Variants in DSCAM observed in about 807,000 individuals in gnomAD.
DSCAM encodes the protein cell adhesion molecule DSCAM.
DSCAM carries 47 observed loss-of-function variants against 217.7 expected under a neutral mutation model. That is an observed-to-expected ratio of 0.22 (90% confidence interval 0.17 to 0.28). The LOEUF is 0.28. Among genes scored for constraint, DSCAM ranks in the 10% least tolerant of loss-of-function variants. The probability of loss-of-function intolerance (pLI) is 1.00; values close to 1 mark genes in which losing one functional copy is unlikely to be tolerated. For missense variants in DSCAM, 2,080 were observed against 2,618.3 expected, an observed-to-expected ratio of 0.79 and a Z score of 4.49; for synonymous variants, 1,056 against 1,015.3, an observed-to-expected ratio of 1.04 and a Z score of -0.76.
intron 1 of DSCAM, among the ~76,000 whole-genome samples, chr21:40,815,513 T>C (rs996561610): frequency 6.6e-6 from 1 of 152,170 alleles, no homozygotes; most frequent in African/African-American, 2.4e-5. Context: ...TAATCAAATC[T>C]CTTCCATGTA....
intron 11 of DSCAM, among the ~76,000 whole-genome samples, chr21:40,214,428 T>C (rs1024507156): frequency 2.0e-5 from 3 of 152,214 alleles, no homozygotes; most frequent in Non-Finnish European, 4.4e-5. Context: ...TTCTTGTTGT[T>C]TTGTTTTTCC....
Position 40,246,544 on chromosome 21 carries a change from G to GA in DSCAM, c.2356+29552dup, listed in dbSNP as rs549164063. On this transcript the variant is annotated intron_variant, in intron 11 of 32. Transcript: ENST00000400454. ...CAACAGAGAGAGACTCTATATCAAA[G>GA]AAAAAAAAAAAGAGGCCCCAGGAGA... Among the ~76,000 whole-genome samples, 755 of 139,432 alleles carry GA rather than the reference G, an allele frequency of 5.4e-3. 7 individuals carry two copies. The highest frequency in any genetic ancestry group is 0.017 in the African/African-American group (643 of 38,284). 91.5% of individuals were successfully genotyped at this position (139,432 alleles called of 152,430 possible).
At chr21:40,314,019 T>C (rs976029468) in intron 8 of DSCAM, among the ~76,000 whole-genome samples, 1 of 152,266 alleles carries the variant, frequency 6.6e-6, no homozygotes, top group Non-Finnish European at 1.5e-5. Context: ...TTCATTCATT[T>C]ATTTGTTCAT....
rs143100887 is a variant in DSCAM, at chr21:40,164,932, C to G, written c.3018+2286G>C. 5.9e-5 allele frequency among the ~76,000 whole-genome samples: 9 copies of G among 152,330 alleles called. No homozygotes were observed. The East Asian group carries it at 1.2e-3, about 20-fold the overall frequency. ...AATGTAATATCTATCTCCAGTGTTA[C>G]AGAAAGGCCACCAAAGTGCCCCTTA... On this transcript the variant is annotated intron_variant, in intron 16 of 32. Coordinates refer to ENST00000400454, the MANE Select transcript of DSCAM (RefSeq NM_001389.5).
chr21:40,085,995 G>C (rs566539053), intron 22 of DSCAM, among the ~76,000 whole-genome samples: 4 of 152,062 alleles, frequency 2.6e-5, no homozygotes, highest in Non-Finnish European at 5.9e-5. Context: ...CTGTGTCAAG[G>C]GCCCAGATTC....
chr21:40,817,730 G>A (rs963974410), intron 1 of DSCAM, among the ~76,000 whole-genome samples: 2 of 152,146 alleles, frequency 1.3e-5, no homozygotes, highest in African/African-American at 2.4e-5. Flanking sequence ...TTTACAGCTA[G>A]GCAATTTGTC....
intron 1 of DSCAM, among the ~76,000 whole-genome samples, chr21:40,796,505 G>A (rs1312880252): frequency 6.6e-6 from 1 of 152,198 alleles, no homozygotes; most frequent in African/African-American, 2.4e-5. Flanking sequence ...TTCACACCCA[G>A]AGCCTGCACT....
At chr21:40,179,127 T>C (rs1259278805) in intron 14 of DSCAM, 33 bp from the exon 15 acceptor site, 5 of 1,502,330 alleles carry the variant, frequency 3.3e-6, no homozygotes, top group Non-Finnish European at 4.4e-6. Context: ...AAAGAAGAGA[T>C]AGAGACGTGA....
At chr21:40,180,566 C>T (rs2090788206) in intron 14 of DSCAM, among the ~76,000 whole-genome samples, 2 of 152,016 alleles carry the variant, frequency 1.3e-5, no homozygotes, top group Admixed American at 6.6e-5. Context: ...AGGCTTGTCC[C>T]ACAGAGAGAA....
chr21:40,766,545 T>C (rs1237326986), intron 1 of DSCAM, among the ~76,000 whole-genome samples: 1 of 151,514 alleles, frequency 6.6e-6, no homozygotes, highest in Non-Finnish European at 1.5e-5. Flanking sequence ...TGAAAGAAAA[T>C]GCTTGCTAGA....
chr21:40,551,443 T>C (rs1311912410), intron 3 of DSCAM, among the ~76,000 whole-genome samples: 1 of 152,218 alleles, frequency 6.6e-6, no homozygotes, highest in Non-Finnish European at 1.5e-5. Context: ...TCTTATTATG[T>C]AGATGAAGTC....
At chr21:40,559,716 G>A (rs1167073835) in intron 3 of DSCAM, among the ~76,000 whole-genome samples, 1 of 150,922 alleles carries the variant, frequency 6.6e-6, no homozygotes, top group Non-Finnish European at 1.5e-5. Context: ...AAATGAAGCA[G>A]TTCTAAGATA....
At chr21:40,759,695 C>T (rs2091311646) in intron 1 of DSCAM, among the ~76,000 whole-genome samples, 1 of 152,142 alleles carries the variant, frequency 6.6e-6, no homozygotes, top group Non-Finnish European at 1.5e-5. Flanking sequence ...ACCATTCTGG[C>T]TTCAGTCCAG....
At chr21:40,055,324 AG>A (rs1456987631) in intron 29 of DSCAM, among the ~76,000 whole-genome samples, 2 of 152,154 alleles carry the variant, frequency 1.3e-5, no homozygotes, top group African/African-American at 4.8e-5. Flanking sequence ...GCATTATCAG[AG>A]TTGATGAGGG....
chr21:40,578,295 T>C (rs2076871358), intron 3 of DSCAM, among the ~76,000 whole-genome samples: 1 of 152,164 alleles, frequency 6.6e-6, no homozygotes, highest in Non-Finnish European at 1.5e-5. Context: ...TGAAGTCAGT[T>C]GGGCTTCTGG....
At chr21:40,269,610 A>G (rs1331064335) in intron 11 of DSCAM, among the ~76,000 whole-genome samples, 2 of 152,206 alleles carry the variant, frequency 1.3e-5, no homozygotes, top group Non-Finnish European at 2.9e-5. Flanking sequence ...TCTGGGGGCC[A>G]TAAGTCCAAA....
chr21:40,187,817 G>C, intron 13 of DSCAM, 74 bp downstream of exon 13: 2 of 1,292,932 alleles, frequency 1.5e-6, no homozygotes, highest in Non-Finnish European at 2.2e-6. Flanking sequence ...AGGACACAGA[G>C]ATGCCTGAGG....
chr21:40,421,658 C>G (rs1203924415), intron 3 of DSCAM, among the ~76,000 whole-genome samples: 1 of 152,234 alleles, frequency 6.6e-6, no homozygotes, highest in Non-Finnish European at 1.5e-5. Context: ...AGGGGCATAT[C>G]TTTGGCTCTC....
intron 32 of DSCAM, among the ~76,000 whole-genome samples, chr21:40,041,581 G>C (rs528649932): frequency 2.0e-5 from 3 of 152,196 alleles, no homozygotes; most frequent in Non-Finnish European, 2.9e-5. Flanking sequence ...GCCCATGTCC[G>C]CCTCGCTCCT....
Sources: allele counts gnomAD v4.1 joint callset (sites outside exome capture counted in the v4.1 genomes callset), GRCh38; gene constraint gnomAD v4.1.1; transcripts MANE v1.5; gene names NCBI Gene and HGNC (gene_info 2026-07-23, HGNC 2026-07-21).